The following SLMAP variants were observed in gnomAD, a reference collection of about 807,000 sequenced individuals.
SLMAP encodes the protein sarcolemmal membrane-associated protein.
SLMAP carries 44 observed loss-of-function variants against 128.8 expected under a neutral mutation model. The observed-to-expected ratio is 0.34, with a 90% confidence interval of 0.27 to 0.44. The LOEUF (loss-of-function observed/expected upper bound fraction) is 0.44. Ranked by LOEUF, SLMAP falls within the 20% of genes least tolerant of loss-of-function variation. The pLI is 1.00. For synonymous variants in SLMAP, 327 were observed against 348.8 expected (o/e 0.94, Z 0.70); for missense variants, 787 against 985.3 (o/e 0.80, Z 2.69).
chr3:57,824,087 A>G (rs1346219532), intron 2 of SLMAP, among the ~76,000 whole-genome samples: 2 of 152,236 alleles, frequency 1.3e-5, no homozygotes, highest in Non-Finnish European at 2.9e-5. Flanking sequence ...TCAGGAAAAC[A>G]ATGTATCAAT....
chr3:57,885,562 G>A (rs1189462841), intron 14 of SLMAP, among the ~76,000 whole-genome samples: 3 of 149,086 alleles, frequency 2.0e-5, no homozygotes, highest in Non-Finnish European at 4.4e-5. Context: ...TGGGATTACA[G>A]GCACCCACCA....
intron 2 of SLMAP, among the ~76,000 whole-genome samples, chr3:57,797,586 G>A (rs1183306035): frequency 6.6e-6 from 1 of 151,794 alleles, no homozygotes; most frequent in Non-Finnish European, 1.5e-5. Context: ...TTGGAAGCTG[G>A]GAGGTGTTAT....
chr3:57,853,282 C>A (rs2094572230), intron 6 of SLMAP, among the ~76,000 whole-genome samples: 2 of 152,144 alleles, frequency 1.3e-5, no homozygotes, highest in South Asian at 4.1e-4. Context: ...TTATTAGATT[C>A]TTTAACCGAT....
chr3:57,869,035 T>A (rs1412835362), intron 13 of SLMAP, among the ~76,000 whole-genome samples: 1 of 138,910 alleles, frequency 7.2e-6, no homozygotes, highest in Admixed American at 8.0e-5. Context: ...ATTATATATA[T>A]AATATATATT....
Position 57,864,536 on chromosome 3 carries a change from T to G in SLMAP, c.967-12T>G. 3 of 1,553,528 alleles carry G rather than the reference T, an allele frequency of 1.9e-6. No homozygotes were observed. The highest frequency in any genetic ancestry group is 2.6e-6 in the Non-Finnish European group (3 of 1,157,900). ...AGGTTTGTTAAATAACTGAATTTTC[T>G]TATTTTTCTAGGTAGCAGAGGGAAA... is the stretch of plus-strand genomic sequence containing the variant. On this transcript the variant is annotated splice_polypyrimidine_tract_variant and intron_variant, in intron 10 of 24. Coordinates refer to ENST00000671191, the MANE Select transcript of SLMAP (RefSeq NM_001377540.1).
chr3:57,839,691 C>T (rs1248168568), intron 3 of SLMAP, among the ~76,000 whole-genome samples: 1 of 151,986 alleles, frequency 6.6e-6, no homozygotes, highest in Non-Finnish European at 1.5e-5. Context: ...GCAACCTCTG[C>T]CTCCCAGGCT....
rs190430121 is a variant in SLMAP, at chr3:57,836,308, G to A, written c.346+4778G>A. Among the ~76,000 whole-genome samples the A allele has an allele frequency of 2.3e-3, 347 of 151,948 alleles. 1 individual carries two copies. The highest frequency in any genetic ancestry group is 7.6e-3 in the African/African-American group (317 of 41,468). On this transcript the variant is annotated intron_variant, in intron 3 of 24. Coordinates refer to ENST00000671191, the MANE Select transcript of SLMAP (RefSeq NM_001377540.1). The stretch of plus-strand genomic sequence containing the variant: ...AATTAAAAAATCACCCAGTATGTAG[G>A]ACATTTATGTATTTATATAAACTAA...
At chr3:57,776,192 G>C (rs1044410410) in intron 2 of SLMAP, among the ~76,000 whole-genome samples, 1 of 152,080 alleles carries the variant, frequency 6.6e-6, no homozygotes, top group Non-Finnish European at 1.5e-5. Context: ...CTTTGGAGTT[G>C]GTTGGGCTGG....
At chr3:57,766,259 G>A (rs1170731192) in intron 2 of SLMAP, among the ~76,000 whole-genome samples, 1 of 145,560 alleles carries the variant, frequency 6.9e-6, no homozygotes, top group Non-Finnish European at 1.5e-5. Flanking sequence ...CTCGTGATCC[G>A]CCTGCCTCAG....
rs114851107 is a variant in SLMAP, at chr3:57,860,426, A to G, written c.688-273A>G. Among the ~76,000 whole-genome samples, 1,249 of 152,346 alleles carry G rather than the reference A, an allele frequency of 8.2e-3. 8 individuals carry two copies. Among genetic ancestry groups the G allele is most frequent in the African/African-American group, 0.028 (1,181 of 41,576 alleles). On this transcript the variant is annotated intron_variant, in intron 8 of 24. Transcript: ENST00000671191. Reference sequence around the variant, plus strand: ...GTGGCTTGCAGAAAATATGACAAATATAAAAGTAACTAATTTTGTATATTT... The same window carrying G: ...GTGGCTTGCAGAAAATATGACAAATGTAAAAGTAACTAATTTTGTATATTT...
intron 6 of SLMAP, among the ~76,000 whole-genome samples, chr3:57,855,533 C>T (rs771316258): frequency 1.3e-5 from 2 of 151,736 alleles, no homozygotes; most frequent in Non-Finnish European, 2.9e-5. Context: ...CTGGACATTA[C>T]TGTAGACTTT....
At chr3:57,893,392 C>G (rs2096146298) in intron 15 of SLMAP, among the ~76,000 whole-genome samples, 1 of 151,722 alleles carries the variant, frequency 6.6e-6, no homozygotes, top group South Asian at 2.1e-4. Context: ...CCACTGTGCT[C>G]CAGCCTGGGC....
At chr3:57,910,275 C>T (rs1351788465) in intron 19 of SLMAP, among the ~76,000 whole-genome samples, 5 of 152,112 alleles carry the variant, frequency 3.3e-5, no homozygotes, top group Non-Finnish European at 7.4e-5. Flanking sequence ...CTACAACCTC[C>T]GTCTCCCGAG....
intron 22 of SLMAP, among the ~76,000 whole-genome samples, chr3:57,918,783 CATGCTTAAT>C (rs1436466545): frequency 6.6e-6 from 1 of 152,184 alleles, no homozygotes. Context: ...GTCATAGAAT[CATGCTTAAT>C]ATGCACAGTG....
At chr3:57,811,348 T>C (rs1029882138) in intron 2 of SLMAP, among the ~76,000 whole-genome samples, 1 of 152,204 alleles carries the variant, frequency 6.6e-6, no homozygotes, top group South Asian at 2.1e-4. Context: ...TATTTTGTCT[T>C]TTTGTGACTG....
intron 15 of SLMAP, among the ~76,000 whole-genome samples, chr3:57,892,783 AACACACACACACACAC>A (rs141561615): frequency 2.2e-4 from 31 of 143,904 alleles, no homozygotes; most frequent in African/African-American, 6.9e-4. Flanking sequence ...TGTCTCTTAA[AACACACACACACACAC>A]ACACACACAC....
intron 15 of SLMAP, chr3:57,896,198 T>G (rs1333095140): frequency 1.9e-6 from 2 of 1,051,646 alleles, no homozygotes; most frequent in African/African-American, 3.4e-5. Flanking sequence ...CTATATTTGT[T>G]GCAGTTCTTT....
At position 57,929,938 on chromosome 3, in the gene SLMAP, A is replaced by G. The variant is rs1359938762; in HGVS notation, c.*2649A>G. Among the ~76,000 whole-genome samples the G allele has an allele frequency of 6.6e-6, 1 of 152,264 alleles. No homozygotes were observed. Among genetic ancestry groups the G allele is most frequent in the Non-Finnish European group, 1.5e-5 (1 of 68,048 alleles). On this transcript the variant is annotated 3_prime_UTR_variant, in exon 25 of 25. Coordinates refer to ENST00000671191, the MANE Select transcript of SLMAP (RefSeq NM_001377540.1). ...GAATGTCATACTGAAAAAATATTGC[A>G]AATATTAAAGTTTTAGGTAAGCCTA...
chr3:57,846,503 G>A (rs2094257236), intron 4 of SLMAP, among the ~76,000 whole-genome samples: 1 of 149,430 alleles, frequency 6.7e-6, no homozygotes, highest in African/African-American at 2.5e-5. Context: ...GTATAGGAAT[G>A]TTTAATTTTA....
Sources: allele counts gnomAD v4.1 joint callset (sites outside exome capture counted in the v4.1 genomes callset), GRCh38; gene constraint gnomAD v4.1.1; transcripts MANE v1.5; gene names NCBI Gene and HGNC (gene_info 2026-07-23, HGNC 2026-07-21).